Variants in XIRP2 observed in about 807,000 individuals in gnomAD.
The protein encoded by XIRP2 is xin actin-binding repeat-containing protein 2.
Under a neutral mutation model 277.0 loss-of-function variants are expected in XIRP2, and 236 were observed. The observed-to-expected ratio is 0.85, with a 90% CI of 0.77 to 0.95. XIRP2 has a LOEUF of 0.95. XIRP2 is among the 40% of genes least tolerant of loss of function. XIRP2 has a pLI of 0.00. For missense variants in XIRP2, 4,640 were observed against 4,157.5 expected, an observed-to-expected ratio of 1.12 and a Z score of -3.19; for synonymous variants, 1,490 against 1,416.5, an observed-to-expected ratio of 1.05 and a Z score of -1.17.
intron 2 of XIRP2, among the ~76,000 whole-genome samples, chr2:166,920,831 G>C (rs955808830): frequency 6.6e-6 from 1 of 152,034 alleles, no homozygotes; most frequent in Non-Finnish European, 1.5e-5. Context: ...TGGGTGAACT[G>C]TTTTTGTCTT....
intron 2 of XIRP2, among the ~76,000 whole-genome samples, chr2:166,911,507 GCC>G (rs1684698879): frequency 6.6e-6 from 1 of 152,078 alleles, no homozygotes; most frequent in Non-Finnish European, 1.5e-5. Flanking sequence ...GTGTGTCTCT[GCC>G]CATGAGATGG....
chr2:167,172,096 C>T (rs535936866), intron 3 of XIRP2, among the ~76,000 whole-genome samples: 76 of 152,090 alleles, frequency 5.0e-4, no homozygotes, highest in South Asian at 2.1e-3. Flanking sequence ...AAGTGTTGGC[C>T]GGTCTGAGAA....
chr2:167,149,664 T>G (rs1691958766), intron 3 of XIRP2, among the ~76,000 whole-genome samples: 1 of 150,398 alleles, frequency 6.6e-6, no homozygotes, highest in Non-Finnish European at 1.5e-5. Context: ...AACTCAAAAC[T>G]ACAAGAAATA....
chr2:166,966,475 T>C (rs1686437018), intron 2 of XIRP2, among the ~76,000 whole-genome samples: 1 of 151,942 alleles, frequency 6.6e-6, no homozygotes, highest in Admixed American at 6.6e-5. Flanking sequence ...GTATACATAT[T>C]TGTTTTATAT....
intron 2 of XIRP2, among the ~76,000 whole-genome samples, chr2:166,944,165 T>C (rs1685793635): frequency 6.6e-6 from 1 of 152,220 alleles, no homozygotes; most frequent in Non-Finnish European, 1.5e-5. Flanking sequence ...TCCAGTTCAT[T>C]GAATGTAATC....
chr2:167,126,463 A>G (rs1489140545), intron 2 of XIRP2, among the ~76,000 whole-genome samples: 2 of 152,276 alleles, frequency 1.3e-5, no homozygotes, highest in Non-Finnish European at 2.9e-5. Context: ...GGTACATTAC[A>G]CAGGAGCATA....
Position 166,958,909 on chromosome 2 carries a change from G to A in XIRP2, c.408+55019G>A, listed in dbSNP as rs576252535. ...AATTTCAATGGCAAAGGGGATTTTC[G>A]AGAACGTCTATTCCAACCTCTTCTT... On this transcript the variant is annotated intron_variant, in intron 2 of 10. Coordinates refer to ENST00000409195, the MANE Select transcript of XIRP2 (RefSeq NM_152381.6). 4.0e-4 allele frequency among the ~76,000 whole-genome samples: 61 copies of A among 151,794 alleles called. 1 individual carries two copies. In the South Asian group the frequency reaches 0.012, roughly 31 times the overall value.
chr2:167,179,140 A>C (rs2105355535), intron 3 of XIRP2, among the ~76,000 whole-genome samples: 1 of 152,218 alleles, frequency 6.6e-6, no homozygotes, highest in Admixed American at 6.5e-5. Context: ...GGAATATTTT[A>C]ATTTTACATC....
intron 2 of XIRP2, among the ~76,000 whole-genome samples, chr2:166,957,932 A>G (rs1686204712): frequency 6.6e-6 from 1 of 151,828 alleles, no homozygotes; most frequent in African/African-American, 2.4e-5. Flanking sequence ...TTCCTGTGGT[A>G]TCTTACATCC....
intron 1 of XIRP2, among the ~76,000 whole-genome samples, chr2:166,891,837 C>G (rs1684113525): frequency 6.6e-6 from 1 of 152,124 alleles, no homozygotes; most frequent in Non-Finnish European, 1.5e-5. Flanking sequence ...TTACCCTTGT[C>G]AGAAGGTGCT....
intron 2 of XIRP2, among the ~76,000 whole-genome samples, chr2:167,117,308 C>T (rs1690923220): frequency 6.6e-6 from 1 of 152,162 alleles, no homozygotes; most frequent in South Asian, 2.1e-4. Context: ...CTCCCCACTC[C>T]CCGCCATACA....
intron 4 of XIRP2, among the ~76,000 whole-genome samples, chr2:167,214,094 G>GAAGA (rs1419074434): frequency 1.2e-3 from 18 of 15,362 alleles, no homozygotes; most frequent in Non-Finnish European, 2.2e-3. Flanking sequence ...AAGAAAGAAA[G>GAAGA]AAGGAAGGAA....
intron 2 of XIRP2, among the ~76,000 whole-genome samples, chr2:166,959,723 C>A (rs192301680): frequency 6.2e-4 from 94 of 151,676 alleles, no homozygotes; most frequent in African/African-American, 2.1e-3. Context: ...ACTTTAATAC[C>A]CTCATTGTAC....
Position 167,210,798 on chromosome 2 carries a change from G to A in XIRP2, c.626G>A (p.Gly209Asp), listed in dbSNP as rs1694002573. The A allele has an allele frequency of 5.6e-6, 9 of 1,614,176 alleles. No homozygotes were observed. The highest frequency in any genetic ancestry group is 7.6e-6 in the Non-Finnish European group (9 of 1,180,014). Residue 209 changes from glycine to aspartate, a missense_variant, in exon 4 of 11, where the codon GGT becomes GAT. By Grantham distance (94) the Gly-to-Asp change is moderately conservative. Coordinates refer to ENST00000409195, the MANE Select transcript of XIRP2 (RefSeq NM_152381.6). The stretch of plus-strand genomic sequence containing the variant: ...GAAGACAGTGCTGCTCGGGGCGAGG[G>A]TGTGTCAGACCTCCACGAAGTGGTC... ...FAEDSAARGE[G>D]VSDLHEVVSL... is the part of the protein sequence containing the mutation.
chr2:167,120,039 C>T (rs554661037), intron 2 of XIRP2, among the ~76,000 whole-genome samples: 4 of 152,072 alleles, frequency 2.6e-5, no homozygotes, highest in Admixed American at 6.6e-5. Flanking sequence ...AATCATAGAG[C>T]GCTAGTACTT....
At chr2:167,007,699 TCTCTCACACACACACACACA>T (rs1558945052) in intron 2 of XIRP2, among the ~76,000 whole-genome samples, 4 of 123,320 alleles carry the variant, frequency 3.2e-5, no homozygotes, top group Non-Finnish European at 1.7e-5. Flanking sequence ...TCTCTCTCTC[TCTCTCACACACACACACACA>T]CACACACACA....
At chr2:167,120,259 T>G in intron 2 of XIRP2, among the ~76,000 whole-genome samples, 1 of 152,182 alleles carries the variant, frequency 6.6e-6, no homozygotes, top group Non-Finnish European at 1.5e-5. Flanking sequence ...CCTAGAGCTC[T>G]GCACTATTTC....
At chr2:167,234,177 A>G (rs1042416905) in intron 5 of XIRP2, among the ~76,000 whole-genome samples, 2 of 151,496 alleles carry the variant, frequency 1.3e-5, no homozygotes, top group African/African-American at 2.4e-5. Flanking sequence ...TTTTAAGCCA[A>G]TTATTTTCTT....
chr2:167,070,176 T>C (rs1477001667), intron 2 of XIRP2, among the ~76,000 whole-genome samples: 2 of 151,934 alleles, frequency 1.3e-5, no homozygotes, highest in Non-Finnish European at 2.9e-5. Flanking sequence ...CTCTTATCCA[T>C]AGTCATGTGC....
Sources: gnomAD v4.1 joint callset for allele counts (sites outside exome capture counted in the v4.1 genomes callset) on GRCh38, gnomAD v4.1.1 for gene constraint, MANE v1.5 for transcripts, NCBI Gene and HGNC (gene_info 2026-07-23, HGNC 2026-07-21) for gene names.